Variants in GPC5 observed in about 807,000 individuals in gnomAD.
GPC5 encodes glypican 5.
GPC5 carries 47 observed loss-of-function variants against 53.9 expected under a neutral mutation model. That is an observed-to-expected ratio of 0.87 (90% CI 0.69 to 1.11). The LOEUF (loss-of-function observed/expected upper bound fraction) is 1.11. Ranked by LOEUF, GPC5 falls within the 50% of genes most tolerant of loss-of-function variation. The pLI, the probability that GPC5 is intolerant of heterozygous loss-of-function variation, is 0.00. For missense variants in GPC5, 748 were observed against 713.1 expected (o/e 1.05, Z -0.56); for synonymous variants, 286 against 263.3 (o/e 1.09, Z -0.84).
chr13:92,310,257 T>C (rs548381220), intron 7 of GPC5, among the ~76,000 whole-genome samples: 1 of 152,246 alleles, frequency 6.6e-6, no homozygotes, highest in African/African-American at 2.4e-5. Context: ...ATCTATCACA[T>C]CTTCATCTTT....
chr13:92,398,522 C>G (rs973805637), intron 7 of GPC5, among the ~76,000 whole-genome samples: 2 of 151,600 alleles, frequency 1.3e-5, no homozygotes, highest in Non-Finnish European at 2.9e-5. Flanking sequence ...TTCTGCATCT[C>G]CCAATCCCTT....
chr13:92,044,781 T>C (rs916768706), intron 6 of GPC5, among the ~76,000 whole-genome samples: 1 of 152,208 alleles, frequency 6.6e-6, no homozygotes, highest in Non-Finnish European at 1.5e-5. Context: ...ATCCAGATGT[T>C]GATGTATTAA....
intron 7 of GPC5, among the ~76,000 whole-genome samples, chr13:92,446,056 A>G (rs892542310): frequency 3.9e-5 from 6 of 152,086 alleles, no homozygotes; most frequent in African/African-American, 1.4e-4. Context: ...ATGTAACTGG[A>G]CTGTCTATCA....
intron 6 of GPC5, among the ~76,000 whole-genome samples, chr13:92,021,950 A>T (rs996457943): frequency 1.3e-5 from 2 of 152,108 alleles, no homozygotes; most frequent in African/African-American, 4.8e-5. Context: ...AGTGAGGAAC[A>T]TTGATTTATT....
At chr13:92,150,556 C>T (rs2041899696) in intron 7 of GPC5, among the ~76,000 whole-genome samples, 1 of 151,886 alleles carries the variant, frequency 6.6e-6, no homozygotes, top group African/African-American at 2.4e-5. Context: ...AATGTAGATA[C>T]CTAATGAATC....
intron 7 of GPC5, among the ~76,000 whole-genome samples, chr13:92,559,891 AC>A (rs1882639795): frequency 6.6e-6 from 1 of 151,164 alleles, no homozygotes; most frequent in African/African-American, 2.4e-5. Flanking sequence ...TGACCATCAC[AC>A]AAAGGAACAT....
chr13:92,192,482 A>G (rs943131458), intron 7 of GPC5, among the ~76,000 whole-genome samples: 2 of 152,216 alleles, frequency 1.3e-5, no homozygotes, highest in African/African-American at 4.8e-5. Context: ...AGTAAGTAAA[A>G]ATAAATGCGT....
chr13:92,061,035 A>T (rs1216557251), intron 6 of GPC5, among the ~76,000 whole-genome samples: 1 of 152,026 alleles, frequency 6.6e-6, no homozygotes, highest in African/African-American at 2.4e-5. Flanking sequence ...CTCCCCAGGA[A>T]TTACTTTTGG....
intron 6 of GPC5, among the ~76,000 whole-genome samples, chr13:91,960,166 TAA>T (rs35307972): frequency 4.4e-4 from 64 of 147,026 alleles, no homozygotes; most frequent in Admixed American, 1.8e-3. Context: ...GATCTTATTC[TAA>T]AAAAAAAAAA....
At chr13:92,604,447 T>C (rs1208408997) in intron 7 of GPC5, among the ~76,000 whole-genome samples, 2 of 152,268 alleles carry the variant, frequency 1.3e-5, no homozygotes, top group Admixed American at 1.3e-4. Context: ...CCAAATGGCT[T>C]TTAAAAACAG....
At chr13:92,279,620 A>G (rs575000017) in intron 7 of GPC5, among the ~76,000 whole-genome samples, 68 of 151,544 alleles carry the variant, frequency 4.5e-4, no homozygotes, top group African/African-American at 1.6e-3. Context: ...TTTTATTATT[A>G]TTATTATGAA....
intron 6 of GPC5, among the ~76,000 whole-genome samples, chr13:92,060,934 C>G (rs1335014842): frequency 6.6e-6 from 1 of 151,998 alleles, no homozygotes; most frequent in Non-Finnish European, 1.5e-5. Flanking sequence ...TTGCAGCTAT[C>G]CGTAGGCAAT....
At chr13:91,594,985 C>CATTTATTTATTT (rs60740693) in intron 2 of GPC5, among the ~76,000 whole-genome samples, 14 of 137,578 alleles carry the variant, frequency 1.0e-4, no homozygotes, top group South Asian at 4.9e-4. Flanking sequence ...TTTTTATTTA[C>CATTTATTTATTT]ATTTATTTAT....
intron 7 of GPC5, among the ~76,000 whole-genome samples, chr13:92,756,404 C>T (rs967003688): frequency 1.1e-4 from 16 of 151,466 alleles, no homozygotes; most frequent in Non-Finnish European, 1.6e-4. Context: ...GGAAGCATTC[C>T]CTTTGAAAAC....
chr13:91,452,303 G>A (rs1203014147), intron 2 of GPC5, among the ~76,000 whole-genome samples: 1 of 152,040 alleles, frequency 6.6e-6, no homozygotes, highest in Admixed American at 6.6e-5. Context: ...TTTTTAGAAG[G>A]ACTCATGATT....
intron 7 of GPC5, among the ~76,000 whole-genome samples, chr13:92,326,177 A>T (rs925559013): frequency 6.6e-6 from 1 of 152,118 alleles, no homozygotes; most frequent in African/African-American, 2.4e-5. Flanking sequence ...GTTTATGAAA[A>T]GAAAATGAAA....
At position 92,644,388 on chromosome 13, in the gene GPC5, C is replaced by G. The variant is rs568128191; in HGVS notation, c.1562-221894C>G. Among the ~76,000 whole-genome samples, 8 of 152,224 alleles carry G rather than the reference C, an allele frequency of 5.3e-5. No individual in the cohort carries two copies. The East Asian group carries it at 1.4e-3, about 26-fold the overall frequency. ...TAAGTGTTCAACAATAGAGAAATGACTAAACAAATTAGAGTATATTTGCCC... is the reference window on the plus strand; with the variant it reads ...TAAGTGTTCAACAATAGAGAAATGAGTAAACAAATTAGAGTATATTTGCCC... On this transcript the variant is annotated intron_variant, in intron 7 of 7. Coordinates refer to ENST00000377067, the MANE Select transcript of GPC5 (RefSeq NM_004466.6).
At position 92,257,407 on chromosome 13, in the gene GPC5, T is replaced by C. The variant is rs1202637069; in HGVS notation, c.1561+112418T>C. ...TATGAAAAAATTTTGTTTAGAGATA[T>C]TGTGATTAATGTTTTTACTTATATC... On this transcript the variant is annotated intron_variant, in intron 7 of 7. Coordinates refer to ENST00000377067, the MANE Select transcript of GPC5 (RefSeq NM_004466.6). 2.1e-4 allele frequency among the ~76,000 whole-genome samples: 32 copies of C among 152,046 alleles called. 2 individuals are homozygous for C. Among genetic ancestry groups the C allele is most frequent in the Admixed American group, 2.0e-3 (31 of 15,258 alleles).
At chr13:91,928,430 T>C (rs1219334336) in intron 6 of GPC5, among the ~76,000 whole-genome samples, 1 of 152,200 alleles carries the variant, frequency 6.6e-6, no homozygotes, top group Admixed American at 6.5e-5. Flanking sequence ...AGAGTGCCCC[T>C]TCCTTTACTA....
Sources: gnomAD v4.1 joint callset for allele counts (sites outside exome capture counted in the v4.1 genomes callset) on GRCh38, gnomAD v4.1.1 for gene constraint, MANE v1.5 for transcripts, NCBI Gene and HGNC (gene_info 2026-07-23, HGNC 2026-07-21) for gene names.